Variants in LAIR1 observed in about 807,000 individuals in gnomAD.
LAIR1 encodes leukocyte associated immunoglobulin like receptor 1, also known as leukocyte-associated immunoglobulin-like receptor 1.
In LAIR1, 24 loss-of-function variants were observed where a neutral mutation model predicts 32.8. The ratio of observed to expected loss-of-function variants is 0.73; its 90% CI spans 0.53 to 1.03. LAIR1 has a LOEUF of 1.03. LAIR1 is among the 50% of genes least tolerant of loss of function. The pLI, the probability that LAIR1 is intolerant of heterozygous loss-of-function variation, is 0.00. For synonymous variants in LAIR1, 150 were observed against 140.5 expected (o/e 1.07, Z -0.48); for missense variants, 355 against 347.5 (o/e 1.02, Z -0.17).
upstream of LAIR1, among the ~76,000 whole-genome samples, chr19:54,366,375 A>G (rs7250269): frequency 0.15 from 22,659 of 152,208 alleles, 3,325 homozygotes; most frequent in African/African-American, 0.37. Context: ...AGCTGGAAAT[A>G]AGGATCTTAC....
chr19:54,367,744 T>TA (rs1159730755), upstream of LAIR1, among the ~76,000 whole-genome samples: 2 of 141,018 alleles, frequency 1.4e-5, no homozygotes, highest in African/African-American at 3.0e-5. Context: ...AGACTCCATC[T>TA]AAAAAAATAT....
At chr19:54,361,771 G>T (rs921566413) in intron 2 of LAIR1, among the ~76,000 whole-genome samples, 2 of 151,550 alleles carry the variant, frequency 1.3e-5, no homozygotes, top group Non-Finnish European at 2.9e-5. Flanking sequence ...CCCGTGACAG[G>T]TCCCCATTGC....
At position 54,360,968 on chromosome 19, in the gene LAIR1, A is replaced by G. The variant is rs776721452; in HGVS notation, c.312T>C (p.Tyr104=). The G allele has an allele frequency of 1.9e-6, 3 of 1,614,218 alleles. No homozygotes were observed. Among genetic ancestry groups the G allele is most frequent in the Non-Finnish European group, 2.5e-6 (3 of 1,180,036 alleles). The change falls in exon 3 of 10, where the codon TAT becomes TAC. Residue 104 remains tyrosine, a synonymous_variant. Transcript: ENST00000391742. ...TCTGCTCAGACCATTTAGGGGGCTT[A>G]TAATAGATGCAGCGATAAAGCCCGG... is the stretch of plus-strand genomic sequence containing the variant. ...GNAGLYRCIY[Y]KPPKWSEQSD...
chr19:54,357,296 G>A (rs987725467), intron 4 of LAIR1: 7 of 285,982 alleles, frequency 2.4e-5, no homozygotes, highest in East Asian at 6.2e-5. Context: ...GATACAGCGC[G>A]TTTCCTGGGC....
upstream of LAIR1, among the ~76,000 whole-genome samples, chr19:54,365,542 G>C (rs1419679769): frequency 6.6e-6 from 1 of 152,200 alleles, no homozygotes; most frequent in African/African-American, 2.4e-5. Flanking sequence ...TGTAATCCCA[G>C]CACTTCGGGA....
At chr19:54,356,165 C>T in intron 8 of LAIR1, 65 bp downstream of exon 8, 2 of 1,404,584 alleles carry the variant, frequency 1.4e-6, no homozygotes, top group Non-Finnish European at 2.0e-6. Flanking sequence ...CCCCACATTG[C>T]ATCTGGATTG....
In LAIR1 at chr19:54,364,639, C is replaced by G. The variant is rs2082178380; in HGVS notation, c.34+132G>C. On this transcript the variant is annotated intron_variant, in intron 1 of 9. Coordinates refer to ENST00000391742, the MANE Select transcript of LAIR1 (RefSeq NM_002287.6). This position sits in a 1 kb window ranked among gnomAD's most constrained non-coding sequence, Gnocchi z 4.8. ...GATCAGACTTAGGCCCCAGGGAGAG[C>G]AGCAGGGCAGTCTTGGGAGGAGGAG... The G allele has an allele frequency of 7.9e-6, 7 of 890,858 alleles. No homozygotes were observed. The highest frequency in any genetic ancestry group is 1.3e-5 in the Non-Finnish European group (7 of 524,350). 55.2% of individuals were successfully genotyped at this position (890,858 alleles called of 1,614,324 possible). A position where few individuals can be genotyped will look rare whatever the true frequency, so the allele number is the denominator to read the frequency against.
At chr19:54,369,957 C>A (rs1412206307) in intron 1 of LAIR1, among the ~76,000 whole-genome samples, 12 of 149,312 alleles carry the variant, frequency 8.0e-5, no homozygotes, top group Admixed American at 6.6e-4. Flanking sequence ...TCAAGCTAAA[C>A]CCCGGTCCTC....
Position 54,355,371 on chromosome 19 carries a change from A to G in LAIR1, c.761T>C (p.Leu254Pro), listed in dbSNP as rs1406528071. The part of the protein sequence containing the change: ...GSSQEVTYAQ[L>P]DHWALTQRTA... ...CCTCTGTGTGAGGGCCCAGTGGTCC[A>G]GCTGAGCATACGTCACCTCCTGGGA... Residue 254 changes from leucine to proline, a missense_variant, in exon 10 of 10, where the codon CTG (leucine) becomes CCG (proline). Leu to Pro is a moderately conservative substitution (Grantham distance 98). Coordinates refer to ENST00000391742, the MANE Select transcript of LAIR1 (RefSeq NM_002287.6). This position sits in a 1 kb window ranked among gnomAD's most constrained non-coding sequence, Gnocchi z 4.7. 6.2e-7 allele frequency: 1 copy of G among 1,612,944 alleles called. No individual in the cohort carries two copies. Among genetic ancestry groups the G allele is most frequent in the South Asian group, 1.1e-5 (1 of 91,004 alleles).
chr19:54,370,635 A>G (rs1238648759), upstream of LAIR1: 1 of 231,966 alleles, frequency 4.3e-6, no homozygotes, highest in African/African-American at 2.3e-5. Context: ...TCAAATCCTT[A>G]AGAAGCTCCA....
upstream of LAIR1, among the ~76,000 whole-genome samples, chr19:54,373,059 G>A (rs1160280138): frequency 6.6e-6 from 1 of 150,910 alleles, no homozygotes; most frequent in Non-Finnish European, 1.5e-5. Context: ...TTGAACCCAG[G>A]AGGTAGAGGT....
Position 54,356,262 on chromosome 19 carries a change from T to G in LAIR1, c.632A>C (p.Asp211Ala). ...DEEQKPQQRP[D>A]LAVDVLERTA... ...CCTCTCTAGAACATCAACAGCCAGG[T>G]CAGGCCTAAGAGGAAAAATAAAAGT... The change falls in exon 8 of 10, where the codon GAC (aspartate) becomes GCC (alanine). Residue 211 changes from aspartate (D) to alanine (A), a missense_variant. By Grantham distance (126) the Asp-to-Ala change is moderately radical (BLOSUM62 -2). Coordinates refer to ENST00000391742, the MANE Select transcript of LAIR1 (RefSeq NM_002287.6). 1 of 1,613,052 alleles carries G rather than the reference T, an allele frequency of 6.2e-7. No homozygotes were observed. Among genetic ancestry groups the G allele is most frequent in the Non-Finnish European group, 8.5e-7 (1 of 1,179,774 alleles).
chr19:54,372,688 C>T (rs2082436492), upstream of LAIR1, among the ~76,000 whole-genome samples: 2 of 149,552 alleles, frequency 1.3e-5, no homozygotes, highest in Non-Finnish European at 2.9e-5. Flanking sequence ...CGGGGTTTCA[C>T]CATGCTGACC....
At position 54,364,294 on chromosome 19, in the gene LAIR1, C is replaced by T. The variant is rs1263629055; in HGVS notation, c.70+1G>A. On this transcript the variant is annotated splice_donor_variant, in intron 2 of 9. Transcript: ENST00000391742. LOFTEE classifies it high-confidence loss of function. This position sits in a 1 kb window ranked among gnomAD's most constrained non-coding sequence, Gnocchi z 4.8. ...GAAGATGGGACGAAGGCATGACTTA[C>T]CCTCCTGCGTGTGGATGGTCTGGGC... 1.9e-6 allele frequency: 3 copies of T among 1,613,304 alleles called. No homozygotes were observed. The highest frequency in any genetic ancestry group is 2.7e-5 in the African/African-American group (2 of 74,842).
At chr19:54,365,225 A>T (rs1463784303), upstream of LAIR1, 1 of 237,510 alleles carries the variant, frequency 4.2e-6, no homozygotes, top group East Asian at 1.4e-4. Context: ...CTTGTATTAC[A>T]AATGGGAGCC....
chr19:54,369,637 C>G (rs894629140), upstream of LAIR1, among the ~76,000 whole-genome samples: 23 of 151,490 alleles, frequency 1.5e-4, no homozygotes, highest in Non-Finnish European at 2.9e-4. Flanking sequence ...AGCTCCCTCA[C>G]TCAAAAACGT....
At chr19:54,356,905 G>A in intron 5 of LAIR1, 23 bp downstream of exon 5, 1 of 1,613,588 alleles carries the variant, frequency 6.2e-7, no homozygotes, top group Middle Eastern at 1.6e-4. Context: ...CCAGCTTCAT[G>A]CTCCACGGCC....
upstream of LAIR1, among the ~76,000 whole-genome samples, chr19:54,371,082 G>T (rs895631569): frequency 6.6e-6 from 1 of 150,742 alleles, no homozygotes; most frequent in Non-Finnish European, 1.5e-5. Flanking sequence ...AAAAATCAAC[G>T]TGAAGTCAAC....
chr19:54,361,080 G>A lies in LAIR1; in HGVS notation c.200C>T (p.Thr67Ile), dbSNP rs1277211660. ...TFRLERDSRS[T>I]YNDTEDVSQA... ...AGACACATCTTCAGTATCATTGTAT[G>A]TGGATCTACTGTCCCTCTCCAGGCG... Residue 67 changes from threonine (T) to isoleucine (I), a missense_variant, in exon 3 of 10, where the codon ACA (threonine) becomes ATA (isoleucine). Coordinates refer to ENST00000391742, the MANE Select transcript of LAIR1 (RefSeq NM_002287.6). The A allele has an allele frequency of 1.2e-6, 2 of 1,614,082 alleles. No individual in the cohort carries two copies. The highest frequency in any genetic ancestry group is 2.7e-5 in the African/African-American group (2 of 74,928).
Sources: gnomAD v4.1 joint callset for allele counts (sites outside exome capture counted in the v4.1 genomes callset) on GRCh38, gnomAD v4.1.1 for gene constraint, Gnocchi (gnomAD v3.1) non-coding constraint, MANE v1.5 for transcripts, NCBI Gene and HGNC (gene_info 2026-07-23, HGNC 2026-07-21) for gene names.